RPTOR: variants seen among roughly 807,000 people sequenced by gnomAD.
RPTOR encodes regulatory-associated protein of mTOR.
In RPTOR, 21 loss-of-function variants were observed where a neutral mutation model predicts 169.9. The observed-to-expected ratio is 0.12, with a 90% CI of 0.09 to 0.18. The LOEUF (loss-of-function observed/expected upper bound fraction) is 0.18, where lower values mean the gene tolerates loss of function less well. RPTOR is among the 10% of genes least tolerant of loss of function. The probability of loss-of-function intolerance (pLI) is 1.00; values close to 1 mark genes in which losing one functional copy is unlikely to be tolerated. For missense variants in RPTOR, 1,133 were observed against 1,855.9 expected (o/e 0.61, Z 7.16); for synonymous variants, 732 against 753.2 (o/e 0.97, Z 0.46).
intron 3 of RPTOR, among the ~76,000 whole-genome samples, chr17:80,648,976 C>A (rs139321041): frequency 3.3e-5 from 5 of 152,290 alleles, no homozygotes; most frequent in African/African-American, 1.2e-4. Context: ...GATTGTGAGA[C>A]CTTCACAGCC....
In RPTOR at chr17:80,614,036, G is replaced by A. The variant is rs1191018584; in HGVS notation, c.163-11655G>A. Among the ~76,000 whole-genome samples the A allele has an allele frequency of 3.3e-5, 5 of 152,160 alleles. No homozygotes were observed. The East Asian group carries it at 7.7e-4, about 23-fold the overall frequency. On this transcript the variant is annotated intron_variant, in intron 1 of 33. Coordinates refer to ENST00000306801, the MANE Select transcript of RPTOR (RefSeq NM_020761.3). ...GGCGACACTGCTGCACTCCACTGGGGCCTTTCATTGTCCTGTCCCTTCCTG... is the reference window on the plus strand; with the variant it reads ...GGCGACACTGCTGCACTCCACTGGGACCTTTCATTGTCCTGTCCCTTCCTG...
intron 18 of RPTOR, among the ~76,000 whole-genome samples, 197 bp from the exon 19 acceptor site, chr17:80,892,529 GGTT>G (rs2068339242): frequency 6.6e-6 from 1 of 152,242 alleles, no homozygotes; most frequent in Admixed American, 6.5e-5. Flanking sequence ...AGCCACAAGC[GGTT>G]GTTGTTTGTC....
intron 32 of RPTOR, 88 bp downstream of exon 32, chr17:80,962,665 G>A: frequency 1.6e-6 from 2 of 1,256,904 alleles, no homozygotes; most frequent in Non-Finnish European, 2.3e-6. Context: ...CTGCCCCCAG[G>A]AGCTGAAGGA....
At chr17:80,744,764 TACTAGCACTGTCCTGGC>T (rs1349229190) in intron 5 of RPTOR, among the ~76,000 whole-genome samples, 14 of 82,768 alleles carry the variant, frequency 1.7e-4, no homozygotes, top group Admixed American at 1.0e-3. Flanking sequence ...CTGTCCTGGC[TACTAGCACTGTCCTGGC>T]TACTAGCACA....
chr17:80,634,264 C>CGTGTGTGTGCGTACT (rs1192760254), intron 2 of RPTOR, among the ~76,000 whole-genome samples: 7 of 43,942 alleles, frequency 1.6e-4, no homozygotes, highest in South Asian at 7.0e-4. Flanking sequence ...GCGTGCATAC[C>CGTGTGTGTGCGTACT]GTGTGTGTGC....
chr17:80,597,875 C>A (rs1053638270), intron 1 of RPTOR, among the ~76,000 whole-genome samples: 9 of 151,720 alleles, frequency 5.9e-5, no homozygotes, highest in African/African-American at 2.2e-4. Context: ...TGTGGTGTTT[C>A]ACACCTGCAA....
intron 19 of RPTOR, among the ~76,000 whole-genome samples, chr17:80,893,437 T>A (rs1262951573): frequency 3.5e-5 from 5 of 144,042 alleles, no homozygotes; most frequent in Non-Finnish European, 7.5e-5. Context: ...TGCCAGGGTG[T>A]GTGTACTGGG....
chr17:80,866,768 C>T (rs962649842), intron 13 of RPTOR, among the ~76,000 whole-genome samples: 1 of 151,870 alleles, frequency 6.6e-6, no homozygotes, highest in African/African-American at 2.4e-5. Flanking sequence ...TTTTTAGAGA[C>T]TGGGTCTCAC....
intron 5 of RPTOR, among the ~76,000 whole-genome samples, chr17:80,753,282 T>C (rs2066646933): frequency 6.6e-6 from 1 of 152,210 alleles, no homozygotes; most frequent in South Asian, 2.1e-4. Flanking sequence ...TCACATCATA[T>C]AACCTGAACG....
chr17:80,855,320 G>C (rs2067840355), intron 11 of RPTOR, 144 bp from the exon 12 acceptor site: 1 of 637,150 alleles, frequency 1.6e-6, no homozygotes. Flanking sequence ...GTAAGGAAAG[G>C]AGCACCAGCT....
chr17:80,812,846 C>T (rs2067287165), intron 7 of RPTOR, among the ~76,000 whole-genome samples: 1 of 152,252 alleles, frequency 6.6e-6, no homozygotes, highest in Non-Finnish European at 1.5e-5. Flanking sequence ...AACCACACGC[C>T]CCCAGATTTG....
intron 1 of RPTOR, among the ~76,000 whole-genome samples, chr17:80,603,094 C>T (rs763384160): frequency 5.3e-5 from 8 of 152,152 alleles, no homozygotes; most frequent in Non-Finnish European, 1.0e-4. Context: ...CTGGATTTGG[C>T]GCCTGTCTCC....
At chr17:80,863,941 A>G (rs2067950327) in intron 13 of RPTOR, among the ~76,000 whole-genome samples, 2 of 152,214 alleles carry the variant, frequency 1.3e-5, no homozygotes, top group Non-Finnish European at 2.9e-5. Context: ...GAAAATAGCA[A>G]TAGAAACTAA....
intron 3 of RPTOR, among the ~76,000 whole-genome samples, chr17:80,649,848 A>G (rs1489001573): frequency 6.6e-6 from 1 of 152,146 alleles, no homozygotes; most frequent in Non-Finnish European, 1.5e-5. Context: ...GAGAACTCTG[A>G]TTCATGCTCT....
intron 6 of RPTOR, among the ~76,000 whole-genome samples, chr17:80,775,109 G>A (rs914590712): frequency 2.0e-5 from 3 of 152,156 alleles, no homozygotes; most frequent in African/African-American, 7.2e-5. Context: ...GCTTCCAGCC[G>A]CTGCTTCAAC....
At chr17:80,910,841 TC>T (rs1266240577) in intron 21 of RPTOR, among the ~76,000 whole-genome samples, 1 of 79,310 alleles carries the variant, frequency 1.3e-5, no homozygotes, top group Non-Finnish European at 2.7e-5. Context: ...CTTCTTCAGT[TC>T]TTTTTTTTTT....
In RPTOR at chr17:80,651,033, C is replaced by T. The variant is rs2065635167; in HGVS notation, c.348+7223C>T. Among the ~76,000 whole-genome samples the T allele has an allele frequency of 1.3e-5, 2 of 152,112 alleles. No homozygotes were observed. The highest frequency in any genetic ancestry group is 2.4e-5 in the African/African-American group (1 of 41,410). ...TGTATGACAAATTGCAAATGAGGAC[C>T]CCCCACCGTCAGGCTGGGGACTAAA... On this transcript the variant is annotated intron_variant, in intron 3 of 33. Transcript: ENST00000306801. The surrounding 1 kb of genome is among the most constrained non-coding windows in gnomAD (Gnocchi z 4.1).
chr17:80,926,583 T>C (rs548173091), intron 24 of RPTOR, among the ~76,000 whole-genome samples: 2 of 152,356 alleles, frequency 1.3e-5, no homozygotes, highest in Non-Finnish European at 2.9e-5. Flanking sequence ...TAAAAAGTTA[T>C]GAAATATTTG....
intron 1 of RPTOR, among the ~76,000 whole-genome samples, chr17:80,608,750 G>T (rs925851403): frequency 6.6e-6 from 1 of 152,194 alleles, no homozygotes; most frequent in African/African-American, 2.4e-5. Context: ...AGGCCCACCC[G>T]CAGTAGCTGA....
Sources: allele counts gnomAD v4.1 joint callset (sites outside exome capture counted in the v4.1 genomes callset), GRCh38; gene constraint gnomAD v4.1.1; non-coding constraint Gnocchi (gnomAD v3.1); transcripts MANE v1.5; gene names NCBI Gene and HGNC (gene_info 2026-07-23, HGNC 2026-07-21).